Variants in CSMD1 observed in about 807,000 individuals in gnomAD.
The protein encoded by CSMD1 is CUB and Sushi multiple domains 1.
In CSMD1, 213 loss-of-function variants were observed where a neutral mutation model predicts 417.5. That is an observed-to-expected ratio of 0.51 (90% CI 0.46 to 0.57). CSMD1 has a LOEUF of 0.57. Ranked by LOEUF, CSMD1 falls within the 20% of genes least tolerant of loss-of-function variation. The pLI, the probability that CSMD1 is intolerant of heterozygous loss-of-function variation, is 0.00. For synonymous variants in CSMD1, 2,862 were observed against 1,736.8 expected (o/e 1.65, Z -16.11); for missense variants, 6,923 against 4,529.7 (o/e 1.53, Z -15.17).
chr8:3,055,404 C>T (rs1203288162), intron 49 of CSMD1, among the ~76,000 whole-genome samples: 2 of 152,110 alleles, frequency 1.3e-5, no homozygotes, highest in Non-Finnish European at 2.9e-5. Context: ...TTTAAAATAA[C>T]GGTTGGCAAT....
At chr8:4,236,618 C>G (rs1028023994) in intron 3 of CSMD1, among the ~76,000 whole-genome samples, 34 of 152,252 alleles carry the variant, frequency 2.2e-4, no homozygotes, top group African/African-American at 6.5e-4. Context: ...CTAAACCTAC[C>G]TCTTAAAAGA....
At chr8:3,296,298 G>A (rs993724562) in intron 25 of CSMD1, among the ~76,000 whole-genome samples, 3 of 151,802 alleles carry the variant, frequency 2.0e-5, no homozygotes, top group Middle Eastern at 3.4e-3. Flanking sequence ...GAAGCCCCAC[G>A]TAAGGGGCAT....
chr8:4,155,482 T>A (rs1302559877), intron 3 of CSMD1, among the ~76,000 whole-genome samples: 2 of 152,220 alleles, frequency 1.3e-5, no homozygotes, highest in East Asian at 3.8e-4. Flanking sequence ...TTCCTTCTAG[T>A]TAAACAAGGG....
chr8:4,504,546 T>A (rs777768783), intron 2 of CSMD1, among the ~76,000 whole-genome samples: 13 of 152,174 alleles, frequency 8.5e-5, no homozygotes, highest in Non-Finnish European at 1.5e-4. Context: ...ACATGTGCCA[T>A]GATGGTTTGC....
chr8:4,349,645 C>CAT (rs1435042189), intron 3 of CSMD1, among the ~76,000 whole-genome samples: 1 of 152,132 alleles, frequency 6.6e-6, no homozygotes, highest in East Asian at 1.9e-4. Context: ...TGCATACCTT[C>CAT]ATAATATTTG....
At chr8:2,970,682 T>A (rs576912035) in intron 57 of CSMD1, among the ~76,000 whole-genome samples, 5 of 152,286 alleles carry the variant, frequency 3.3e-5, no homozygotes, top group South Asian at 4.1e-4. Flanking sequence ...AACCAAGACT[T>A]TGTGATCACT....
chr8:4,167,150 T>A (rs993009355), intron 3 of CSMD1, among the ~76,000 whole-genome samples: 1 of 152,242 alleles, frequency 6.6e-6, no homozygotes, highest in African/African-American at 2.4e-5. Context: ...ACATTTTTTT[T>A]TCTACCTACT....
chr8:4,180,205 A>G (rs2131172012), intron 3 of CSMD1, among the ~76,000 whole-genome samples: 1 of 152,258 alleles, frequency 6.6e-6, no homozygotes, highest in Non-Finnish European at 1.5e-5. Context: ...AGACTGGATT[A>G]AGAAAATGTG....
At chr8:3,349,294 C>A (rs772443840) in intron 21 of CSMD1, among the ~76,000 whole-genome samples, 1 of 152,162 alleles carries the variant, frequency 6.6e-6, no homozygotes, top group Non-Finnish European at 1.5e-5. Flanking sequence ...CCCTCCTTCC[C>A]TCTTTGACAA....
intron 3 of CSMD1, among the ~76,000 whole-genome samples, chr8:4,150,959 A>G (rs1395981637): frequency 2.6e-5 from 4 of 152,214 alleles, no homozygotes; most frequent in African/African-American, 9.6e-5. Context: ...AACTTTCAGT[A>G]AAAGTCTTCC....
In CSMD1 at chr8:3,165,068, G is replaced by A. The variant is rs150014535; in HGVS notation, c.5726-2791C>T. ...AACACACAAAAATACCATTTTGACC[G>A]GTGTTTAACATGGCCAGACTCAGGA... is the stretch of plus-strand genomic sequence containing the variant. On this transcript the variant is annotated intron_variant, in intron 37 of 69. Coordinates refer to ENST00000635120, the MANE Select transcript of CSMD1 (RefSeq NM_033225.6). Among the ~76,000 whole-genome samples, 160 of 151,760 alleles carry A rather than the reference G, an allele frequency of 1.1e-3. 2 individuals are homozygous for A. Among genetic ancestry groups the A allele is most frequent in the African/African-American group, 3.7e-3 (153 of 41,426 alleles).
At position 3,007,745 on chromosome 8, in the gene CSMD1, G is replaced by C. The variant is rs1021644682; in HGVS notation, c.8030-7614C>G. ...GTGAGATCACATGGACACAGGAAGG[G>C]GAACATCACACTCTGGGGACCGCTG... On this transcript the variant is annotated intron_variant, in intron 52 of 69. Coordinates refer to ENST00000635120, the MANE Select transcript of CSMD1 (RefSeq NM_033225.6). 1.2e-4 allele frequency among the ~76,000 whole-genome samples: 17 copies of C among 140,828 alleles called. No individual in the cohort carries two copies. In the Admixed American group the frequency reaches 1.2e-3, roughly 10 times the overall value. The allele number at this position is 140,828 out of a possible 152,430, so 92.4% of individuals were successfully genotyped here.
intron 5 of CSMD1, among the ~76,000 whole-genome samples, chr8:3,886,257 C>T (rs962908336): frequency 3.9e-5 from 6 of 152,084 alleles, no homozygotes; most frequent in Admixed American, 3.3e-4. Context: ...CCATGTTGGC[C>T]TGGCTGGTCT....
intron 2 of CSMD1, among the ~76,000 whole-genome samples, chr8:4,559,383 T>C (rs185035506): frequency 7.0e-4 from 106 of 152,296 alleles, no homozygotes; most frequent in African/African-American, 2.3e-3. Flanking sequence ...AAAAAAATCT[T>C]CATATACTAT....
chr8:3,984,704 C>CATTCATATATATAT (rs1814173678), intron 5 of CSMD1, among the ~76,000 whole-genome samples: 1 of 82,822 alleles, frequency 1.2e-5, no homozygotes, highest in Non-Finnish European at 2.4e-5. Context: ...GTGTATATAT[C>CATTCATATATATAT]ATATATATAT....
At chr8:3,137,908 T>C (rs2129029544) in intron 41 of CSMD1, among the ~76,000 whole-genome samples, 1 of 152,330 alleles carries the variant, frequency 6.6e-6, no homozygotes, top group African/African-American at 2.4e-5. Flanking sequence ...CCTGTCAGTC[T>C]AGGTTCATTT....
chr8:4,009,831 C>T (rs1300525996), intron 4 of CSMD1, among the ~76,000 whole-genome samples: 3 of 152,220 alleles, frequency 2.0e-5, no homozygotes, highest in Non-Finnish European at 2.9e-5. Flanking sequence ...AGAGAGTCAA[C>T]CCCACTTACT....
intron 11 of CSMD1, among the ~76,000 whole-genome samples, chr8:3,482,368 G>T (rs902461111): frequency 6.6e-6 from 1 of 152,072 alleles, no homozygotes; most frequent in Non-Finnish European, 1.5e-5. Context: ...AAGCAGGAGT[G>T]CCTATGTTAA....
chr8:3,511,803 ATAAC>A (rs1797082961), intron 10 of CSMD1, among the ~76,000 whole-genome samples: 1 of 151,560 alleles, frequency 6.6e-6, no homozygotes, highest in African/African-American at 2.4e-5. Context: ...ATAACATAAC[ATAAC>A]ATAACATAAC....
Sources: gnomAD v4.1 joint callset for allele counts (sites outside exome capture counted in the v4.1 genomes callset) on GRCh38, gnomAD v4.1.1 for gene constraint, MANE v1.5 for transcripts, NCBI Gene and HGNC (gene_info 2026-07-23, HGNC 2026-07-21) for gene names.